Variants in ABCA2 observed in about 807,000 individuals in gnomAD.
ABCA2 encodes the protein ATP binding cassette subfamily A member 2.
ABCA2 carries 84 observed loss-of-function variants against 262.8 expected under a neutral mutation model. The ratio of observed to expected loss-of-function variants is 0.32; its 90% CI spans 0.27 to 0.38. The LOEUF is 0.38. Among genes scored for constraint, ABCA2 ranks in the 10% least tolerant of loss-of-function variants. The probability of loss-of-function intolerance (pLI) is 1.00; values close to 1 mark genes in which losing one functional copy is unlikely to be tolerated. For synonymous variants in ABCA2, 1,696 were observed against 1,502.9 expected (o/e 1.13, Z -2.97); for missense variants, 2,662 against 3,405.9 (o/e 0.78, Z 5.44).
intron 48 of ABCA2, 150 bp from the exon 49 acceptor site, chr9:137,008,114 C>T (rs1284194549): frequency 2.6e-5 from 27 of 1,040,244 alleles, no homozygotes; most frequent in South Asian, 7.5e-5. Context: ...TGGGCTCTCC[C>T]GGGCCTCCGT....
rs1283670475 is a variant in ABCA2, at chr9:137,019,165, GC to G, written c.1554+12del. On this transcript the variant is annotated intron_variant, in intron 11 of 48. Coordinates refer to ENST00000341511, the MANE Select transcript of ABCA2 (RefSeq NM_001606.5). The surrounding 1 kb of genome is among the most constrained non-coding windows in gnomAD (Gnocchi z 4.4). ...CCACCCACAGCCGCCTCCCTCGCGG[GC>G]ACCCTTGGCACCTGCTGCAGCCAGC... is the stretch of plus-strand genomic sequence containing the variant. 1 of 1,608,370 alleles carries G rather than the reference GC, an allele frequency of 6.2e-7. No homozygotes were observed.
At position 137,013,874 on chromosome 9, in the gene ABCA2, C is replaced by T. The variant is rs541825365; in HGVS notation, c.4405G>A (p.Val1469Ile). ...FSQILLPAFF[V>I]CVAMTVALSV... ...AGGGCCACGGTCATGGCCACGCAGA[C>T]GAAGAAGGCTGGCAGCAAGATCTGG... The change falls in exon 28 of 49, where the codon GTC becomes ATC. Residue 1469 changes from valine (V) to isoleucine (I), a missense_variant. Physicochemically the swap from Val to Ile is conservative, Grantham distance 29. Coordinates refer to ENST00000341511, the MANE Select transcript of ABCA2 (RefSeq NM_001606.5). The T allele has an allele frequency of 1.4e-5, 23 of 1,611,974 alleles. No homozygotes were observed. Among genetic ancestry groups the T allele is most frequent in the South Asian group, 1.3e-4 (12 of 90,990 alleles).
At position 137,011,430 on chromosome 9, in the gene ABCA2, G is replaced by A. The variant is rs1031762412; in HGVS notation, c.5776C>T (p.Leu1926=). 6.2e-7 allele frequency: 1 copy of A among 1,611,564 alleles called. No individual in the cohort carries two copies. Among genetic ancestry groups the A allele is most frequent in the Non-Finnish European group, 8.5e-7 (1 of 1,179,442 alleles). The stretch of plus-strand genomic sequence containing the variant: ...ACCTTGTCGTGCTCGAAGAGCTGTA[G>A]CAGGAAGGTGGCCACGGTGGCGGTG... ...GITATVATFL[L]QLFEHDKDLK... is the part of the protein sequence containing the mutation. Residue 1926 remains leucine, a synonymous_variant, in exon 37 of 49, where the codon CTA becomes TTA. Coordinates refer to ENST00000341511, the MANE Select transcript of ABCA2 (RefSeq NM_001606.5). This position sits in a 1 kb window ranked among gnomAD's most constrained non-coding sequence, Gnocchi z 8.8.
At position 137,012,492 on chromosome 9, in the gene ABCA2, G is replaced by A. The variant is rs1554734254; in HGVS notation, c.5180C>T (p.Ala1727Val). 1 of 1,611,472 alleles carries A rather than the reference G, an allele frequency of 6.2e-7. No individual in the cohort carries two copies. ...PMVRKIAVRR[A>V]AQVFYNNKGY... ...GCCCGCAGCCTCGCTCACCTGGGCA[G>A]CCCTGCGCACCGCGATCTTCCGCAC... is the stretch of plus-strand genomic sequence containing the variant. Residue 1727 changes from alanine (A) to valine (V), a missense_variant, in exon 32 of 49, where the codon GCT becomes GTT. Around this residue, in one of 12 missense-constraint regions of ABCA2, gnomAD observed 602 missense variants for 897.4 expected, o/e 0.67. Coordinates refer to ENST00000341511, the MANE Select transcript of ABCA2 (RefSeq NM_001606.5).
At position 137,021,070 on chromosome 9, in the gene ABCA2, A is replaced by G; in HGVS notation, c.898-9T>C. ...GGGGCATCCAGGCCCAGCTGAGGGGAAACAGGCACGTGGGCAGTGCGGGGT... is the reference window on the plus strand; with the variant it reads ...GGGGCATCCAGGCCCAGCTGAGGGGGAACAGGCACGTGGGCAGTGCGGGGT... On this transcript the variant is annotated splice_polypyrimidine_tract_variant and intron_variant, in intron 8 of 48. Coordinates refer to ENST00000341511, the MANE Select transcript of ABCA2 (RefSeq NM_001606.5). This position sits in a 1 kb window ranked among gnomAD's most constrained non-coding sequence, Gnocchi z 6.0. The G allele has an allele frequency of 3.4e-6, 5 of 1,472,564 alleles. No homozygotes were observed. Among genetic ancestry groups the G allele is most frequent in the Non-Finnish European group, 4.5e-6 (5 of 1,110,488 alleles). 91.2% of individuals were successfully genotyped at this position (1,472,564 alleles called of 1,614,324 possible).
At position 137,012,604 on chromosome 9, in the gene ABCA2, T is replaced by G. The variant is rs1268862520; in HGVS notation, c.5082-14A>C. The stretch of plus-strand genomic sequence containing the variant: ...ATGGCCCCATACCTGGGCAGGCAGG[T>G]GGGAGGGGCGGTGAGGCTAGGCAGG... On this transcript the variant is annotated splice_polypyrimidine_tract_variant and intron_variant, in intron 31 of 48. Coordinates refer to ENST00000341511, the MANE Select transcript of ABCA2 (RefSeq NM_001606.5). 6.2e-6 allele frequency: 10 copies of G among 1,610,668 alleles called. No individual in the cohort carries two copies. Among genetic ancestry groups the G allele is most frequent in the East Asian group, 2.2e-5 (1 of 44,842 alleles).
chr9:137,011,502 T>G lies in ABCA2; in HGVS notation c.5704A>C (p.Ser1902Arg). The G allele has an allele frequency of 6.2e-7, 1 of 1,601,116 alleles. No homozygotes were observed. Among genetic ancestry groups the G allele is most frequent in the Non-Finnish European group, 8.5e-7 (1 of 1,174,078 alleles). The change falls in exon 37 of 49, where the codon AGC (serine) becomes CGC (arginine). Residue 1902 changes from serine to arginine, a missense_variant. Physicochemically the swap from Ser to Arg is moderately radical, Grantham distance 110. This residue lies in a region of ABCA2 where 602 missense variants were observed against 897.4 expected (regional missense o/e 0.67). Transcript: ENST00000341511. The surrounding 1 kb of genome is among the most constrained non-coding windows in gnomAD (Gnocchi z 8.8). ...ACAATGAGGAACACGTAGGCGGAGC[T>G]GGGGACCTCGAACCAGAAGGAGGCC... ...YPASFWFEVPSSAYVFLIVIN... is the reference protein window; with the variant it reads ...YPASFWFEVPRSAYVFLIVIN...
rs373592462 is a variant in ABCA2 at position 137,019,011 on chromosome 9, C to G, written c.1614G>C (p.Pro538=). The change falls in exon 12 of 49, where the codon CCG becomes CCC. Residue 538 remains proline, a synonymous_variant. Coordinates refer to ENST00000341511, the MANE Select transcript of ABCA2 (RefSeq NM_001606.5). The surrounding 1 kb of genome is among the most constrained non-coding windows in gnomAD (Gnocchi z 4.4). ...EALNLSLDEL[P]PALRQDNFSL... is the part of the protein sequence containing the mutation. ...AGAAGTTGTCCTGTCTCAGGGCCGG[C>G]GGCAGCTCATCCAGTGACAGGTTCA... 5.0e-6 allele frequency: 8 copies of G among 1,612,882 alleles called. No individual in the cohort carries two copies. The highest frequency in any genetic ancestry group is 6.8e-6 in the Non-Finnish European group (8 of 1,179,820).
At position 137,012,362 on chromosome 9, in the gene ABCA2, G is replaced by A. The variant is rs1185213955; in HGVS notation, c.5202C>T (p.Asn1734=). 2 of 1,612,264 alleles carry A rather than the reference G, an allele frequency of 1.2e-6. No individual in the cohort carries two copies. The highest frequency in any genetic ancestry group is 1.1e-5 in the South Asian group (1 of 91,052). Residue 1734 remains asparagine, a synonymous_variant, in exon 33 of 49, where the codon AAC becomes AAT. Transcript: ENST00000341511. The part of the protein sequence containing the change: ...VRRAAQVFYN[N]KGYHSMPTYL... ...AGGTGGGCATGCTGTGATAGCCCTT[G>A]TTGTTGTAGAAAACCTGCAGAAGGA...
chr9:137,012,648 AGGAGTTGAGACTAGGTGGCTGGTGG>A (rs1256444702), intron 31 of ABCA2, 39 bp downstream of exon 31: 24 of 1,610,198 alleles, frequency 1.5e-5, no homozygotes, highest in Non-Finnish European at 2.0e-5. Flanking sequence ...CTAGAGGGGC[AGGAGTTGAGACTAGGTGGCTGGTGG>A]CCGGCCACCC....
At position 137,015,019 on chromosome 9, in the gene ABCA2, C is replaced by T. The variant is rs151057522; in HGVS notation, c.3776G>A (p.Arg1259His). 1.6e-5 allele frequency: 26 copies of T among 1,606,068 alleles called. No homozygotes were observed. The highest frequency in any genetic ancestry group is 3.3e-4 in the Middle Eastern group (2 of 6,030). Residue 1259 changes from arginine to histidine, a missense_variant, in exon 25 of 49, where the codon CGC (arginine) becomes CAC (histidine). Transcript: ENST00000341511. ...CSELQVSQFI[R>H]KHVASCLLVS... ...CAGCAGGCAGGAGGCCACATGCTTG[C>T]GGATGAACTGGGACACCTGGAGCTC...
At position 137,008,619 on chromosome 9, in the gene ABCA2, A is replaced by G. The variant is rs1341132680; in HGVS notation, c.7072T>C (p.Phe2358Leu). 2 of 1,555,300 alleles carry G rather than the reference A, an allele frequency of 1.3e-6. No individual in the cohort carries two copies. The highest frequency in any genetic ancestry group is 2.5e-5 in the East Asian group (1 of 39,674). The change falls in exon 48 of 49, where the codon TTC becomes CTC. Residue 2358 changes from phenylalanine (F) to leucine (L), a missense_variant. By Grantham distance (22) the Phe-to-Leu change is conservative (BLOSUM62 0). Around this residue, in one of 12 missense-constraint regions of ABCA2, gnomAD observed 212 missense variants for 214.4 expected, o/e 0.99. Transcript: ENST00000341511. Reference protein sequence around the residue: ...SVSQTTLDNVFVNFAKKQSDN... With the variant: ...SVSQTTLDNVLVNFAKKQSDN... ...CTCTGCTTCTTGGCAAAGTTCACGA[A>G]CACCTGGTGGGTGGCGCAGGCGTGT...
At chr9:137,023,144 G>A in intron 3 of ABCA2, 92 bp from the exon 4 acceptor site, 1 of 968,700 alleles carries the variant, frequency 1.0e-6, no homozygotes, top group Admixed American at 2.2e-5. Flanking sequence ...AGGCCGAGAG[G>A]AGAAATTTAG....
intron 9 of ABCA2, 68 bp downstream of exon 9, chr9:137,020,626 C>A: frequency 6.4e-7 from 1 of 1,574,294 alleles, no homozygotes; most frequent in Non-Finnish European, 8.6e-7. Context: ...GAGCCAGAGC[C>A]TAGATTCAGG....
Position 137,022,493 on chromosome 9 carries a change from A to G in ABCA2, c.440-15T>C, listed in dbSNP as rs764540464. 1.2e-6 allele frequency: 2 copies of G among 1,608,958 alleles called. No homozygotes were observed. Among genetic ancestry groups the G allele is most frequent in the African/African-American group, 1.3e-5 (1 of 74,766 alleles). On this transcript the variant is annotated splice_polypyrimidine_tract_variant and intron_variant, in intron 5 of 48. Transcript: ENST00000341511. ...GAAGGAAGACACTGGACAGGCAGGA[A>G]GGCGAGGCTGAGAGGCCGCTGCACC... is the stretch of plus-strand genomic sequence containing the variant.
In ABCA2 at chr9:137,011,020, G is replaced by A. The variant is rs372731671; in HGVS notation, c.6009C>T (p.Gly2003=). The change falls in exon 39 of 49, where the codon GGC becomes GGT. Residue 2003 remains glycine (G), a synonymous_variant. Transcript: ENST00000341511. This position sits in a 1 kb window ranked among gnomAD's most constrained non-coding sequence, Gnocchi z 8.8. ...LVAMAVEGVV[G]FLLTIMCQYN... ...ACTGGCACATGATGGTCAGGAGGAAGCCCACGACGCCCTCAACCGCCATGG... is the reference window on the plus strand; with the variant it reads ...ACTGGCACATGATGGTCAGGAGGAAACCCACGACGCCCTCAACCGCCATGG... The A allele has an allele frequency of 8.7e-6, 14 of 1,608,300 alleles. No individual in the cohort carries two copies. The African/African-American group carries it at 1.9e-4, about 22-fold the overall frequency.
rs756780267 is a variant in ABCA2, at chr9:137,009,891, C to T, written c.6508G>A (p.Ala2170Thr). Residue 2170 changes from alanine (A) to threonine (T), a missense_variant, in exon 43 of 49, where the codon GCT (alanine) becomes ACT (threonine). By Grantham distance (58) the Ala-to-Thr change is moderately conservative (BLOSUM62 0). Around this residue, in one of 12 missense-constraint regions of ABCA2, gnomAD observed 602 missense variants for 897.4 expected, o/e 0.67. Coordinates refer to ENST00000341511, the MANE Select transcript of ABCA2 (RefSeq NM_001606.5). ...TTGGTCAGCTCCAGCTTCTCCAGAG[C>T]CCACTTCACCACCTGGCCAGGGAAC... ...WKDEARVVKW[A>T]LEKLELTKYA... 4.5e-5 allele frequency: 72 copies of T among 1,608,210 alleles called. No individual in the cohort carries two copies. Among genetic ancestry groups the T allele is most frequent in the Middle Eastern group, 1.6e-4 (1 of 6,062 alleles).
intron 24 of ABCA2, 103 bp downstream of exon 24, chr9:137,015,311 C>A: frequency 7.2e-7 from 1 of 1,384,270 alleles, no homozygotes; most frequent in Non-Finnish European, 9.7e-7. Flanking sequence ...ATCCTGGGCC[C>A]AGCGGGTGAC....
Position 137,019,440 on chromosome 9 carries a change from T to TG in ABCA2, c.1426-135_1426-134insC. ...CCTCCCCACCTTTTTTTTTTTTTTTTTCCTGAGACAGGGTCTCAGTCACCC... is the reference window on the plus strand; with the variant it reads ...CCTCCCCACCTTTTTTTTTTTTTTTTGTCCTGAGACAGGGTCTCAGTCACCC... On this transcript the variant is annotated intron_variant, in intron 10 of 48. Coordinates refer to ENST00000341511, the MANE Select transcript of ABCA2 (RefSeq NM_001606.5). The surrounding 1 kb of genome is among the most constrained non-coding windows in gnomAD (Gnocchi z 4.4). The TG allele has an allele frequency of 9.5e-7, 1 of 1,053,998 alleles. No homozygotes were observed. The highest frequency in any genetic ancestry group is 1.3e-6 in the Non-Finnish European group (1 of 750,608). The allele number at this position is 1,053,998 out of a possible 1,614,324, so 65.3% of individuals were successfully genotyped here.
Sources: allele counts gnomAD v4.1 joint callset, GRCh38; gene constraint gnomAD v4.1.1; regional missense constraint gnomAD v4.1.1; non-coding constraint Gnocchi (gnomAD v3.1); transcripts MANE v1.5; gene names NCBI Gene and HGNC (gene_info 2026-07-23, HGNC 2026-07-21).